ARHGAP10: variants seen among roughly 807,000 people sequenced by gnomAD.
ARHGAP10 encodes Rho GTPase activating protein 10.
In ARHGAP10, 87 loss-of-function variants were observed where a neutral mutation model predicts 108.6. That is an observed-to-expected ratio of 0.80 (90% CI 0.67 to 0.96). The LOEUF is 0.96. ARHGAP10 is among the 40% of genes least tolerant of loss of function. The pLI is 0.00. For missense variants in ARHGAP10, 939 were observed against 954.5 expected, an observed-to-expected ratio of 0.98 and a Z score of 0.21; for synonymous variants, 347 against 341.1, an observed-to-expected ratio of 1.02 and a Z score of -0.19.
chr4:147,955,362 A>G lies in ARHGAP10; in HGVS notation c.1438A>G (p.Ile480Val), dbSNP rs746225005. Residue 480 changes from isoleucine (I) to valine (V), a missense_variant, in exon 16 of 23, where the codon ATT becomes GTT. Physicochemically the swap from Ile to Val is conservative, Grantham distance 29. Coordinates refer to ENST00000336498, the MANE Select transcript of ARHGAP10 (RefSeq NM_024605.4). ...GACCTATGAGTTACATGGAGATTTC[A>G]TTGTTCCAGCCAGTAAGTATTATGT... The part of the protein sequence containing the change: ...LMTYELHGDF[I>V]VPAKSGSPES... 3.1e-6 allele frequency: 5 copies of G among 1,611,540 alleles called. No individual in the cohort carries two copies. In the South Asian group the frequency reaches 5.5e-5, roughly 18 times the overall value.
At chr4:147,854,583 T>G (rs79439463) in intron 4 of ARHGAP10, 4,471 of 430,080 alleles carry the variant, frequency 0.01, 180 homozygotes, top group African/African-American at 0.084. Context: ...TTTATATATT[T>G]TTTTCTGTAA....
chr4:147,839,947 T>C (rs539745844), intron 3 of ARHGAP10, among the ~76,000 whole-genome samples: 8 of 152,348 alleles, frequency 5.3e-5, no homozygotes, highest in African/African-American at 1.9e-4. Flanking sequence ...ATTGTGAAGT[T>C]CTAATGGATT....
chr4:147,753,733 A>C (rs1468866505), intron 1 of ARHGAP10, among the ~76,000 whole-genome samples: 1 of 152,148 alleles, frequency 6.6e-6, no homozygotes, highest in Non-Finnish European at 1.5e-5. Context: ...ATTATATTTG[A>C]GAGAATGATT....
intron 14 of ARHGAP10, 114 bp downstream of exon 14, chr4:147,940,013 T>G: frequency 2.9e-6 from 3 of 1,028,048 alleles, no homozygotes; most frequent in East Asian, 2.5e-5. Context: ...TCCTCTACTT[T>G]CTACAGGAGT....
intron 1 of ARHGAP10, 58 bp downstream of exon 1, chr4:147,732,513 T>C: frequency 3.1e-6 from 5 of 1,595,270 alleles, no homozygotes; most frequent in Non-Finnish European, 4.3e-6. Flanking sequence ...TGGGGGAGCC[T>C]CTCTCGGCAG....
intron 1 of ARHGAP10, among the ~76,000 whole-genome samples, chr4:147,758,751 G>A (rs1729475379): frequency 6.6e-6 from 1 of 151,984 alleles, no homozygotes; most frequent in South Asian, 2.1e-4. Context: ...GGCCGAGGCA[G>A]GAGGATCACT....
intron 1 of ARHGAP10, among the ~76,000 whole-genome samples, chr4:147,747,949 C>A (rs1279957150): frequency 6.6e-6 from 1 of 152,092 alleles, no homozygotes; most frequent in Admixed American, 6.6e-5. Context: ...TTGGTTGTTA[C>A]TTTAGGGAGA....
rs1285752990 is a variant in ARHGAP10, at chr4:147,732,460, G to A, written c.154+5G>A. On this transcript the variant is annotated splice_donor_5th_base_variant and intron_variant, in intron 1 of 22. Transcript: ENST00000336498. ...ACCTCATCGCTGCGACGAAAAGTAAGCGGGGACGCGGGCGCGGACGGGCTG... is the reference window on the plus strand; with the variant it reads ...ACCTCATCGCTGCGACGAAAAGTAAACGGGGACGCGGGCGCGGACGGGCTG... 68 of 1,610,604 alleles carry A rather than the reference G, an allele frequency of 4.2e-5. No individual in the cohort carries two copies. The highest frequency in any genetic ancestry group is 5.6e-5 in the Non-Finnish European group (66 of 1,178,386).
intron 20 of ARHGAP10, among the ~76,000 whole-genome samples, chr4:148,054,890 C>G (rs1729295925): frequency 6.6e-6 from 1 of 152,212 alleles, no homozygotes; most frequent in African/African-American, 2.4e-5. Flanking sequence ...CCCTTTAGAG[C>G]TGTGCTTGGC....
chr4:147,908,520 A>C (rs1736594870), intron 11 of ARHGAP10, among the ~76,000 whole-genome samples: 1 of 152,170 alleles, frequency 6.6e-6, no homozygotes, highest in African/African-American at 2.4e-5. Flanking sequence ...AACAATATTC[A>C]GCTATGTATT....
At chr4:147,904,876 C>T (rs1736406735) in intron 10 of ARHGAP10, among the ~76,000 whole-genome samples, 1 of 152,188 alleles carries the variant, frequency 6.6e-6, no homozygotes, top group African/African-American at 2.4e-5. Flanking sequence ...TATTTCTCCA[C>T]ATCCTCTCCA....
intron 1 of ARHGAP10, among the ~76,000 whole-genome samples, chr4:147,740,707 T>G (rs189349156): frequency 6.6e-6 from 1 of 152,316 alleles, no homozygotes; most frequent in East Asian, 1.9e-4. Context: ...TTCCTCCCCA[T>G]TCCTTGTCCT....
At chr4:147,740,375 C>T (rs1157927680) in intron 1 of ARHGAP10, among the ~76,000 whole-genome samples, 3 of 152,136 alleles carry the variant, frequency 2.0e-5, no homozygotes, top group African/African-American at 7.2e-5. Flanking sequence ...TTTGTCTTCA[C>T]TCCAAAACCC....
rs1304519413 is a variant in ARHGAP10, at chr4:147,823,220, G to C, written c.312+263G>C. Reference sequence around the variant, plus strand: ...AAGTGGACAGTAGGACTACATCACTGCTTTCTAGCTTTTTGTTGCAGCAGA... The same window carrying C: ...AAGTGGACAGTAGGACTACATCACTCCTTTCTAGCTTTTTGTTGCAGCAGA... On this transcript the variant is annotated intron_variant, in intron 3 of 22. Coordinates refer to ENST00000336498, the MANE Select transcript of ARHGAP10 (RefSeq NM_024605.4). Among the ~76,000 whole-genome samples, 8 of 152,192 alleles carry C rather than the reference G, an allele frequency of 5.3e-5. 1 individual carries two copies.
At position 147,864,927 on chromosome 4, in the gene ARHGAP10, G is replaced by C; in HGVS notation, c.568G>C (p.Glu190Gln). The change falls in exon 6 of 23, where the codon GAA becomes CAA. Residue 190 changes from glutamate to glutamine, a missense_variant. Glu to Gln is a conservative substitution (Grantham distance 29, BLOSUM62 2). Coordinates refer to ENST00000336498, the MANE Select transcript of ARHGAP10 (RefSeq NM_024605.4). ...TGTGTGTAAGCTGCAGGAAATCCAA[G>C]AAAGAAAGAAGTTTGAGTTTGTGGA... ...EYVCKLQEIQ[E>Q]RKKFEFVEPM... The C allele has an allele frequency of 1.2e-6, 2 of 1,614,000 alleles. No individual in the cohort carries two copies. The highest frequency in any genetic ancestry group is 1.3e-5 in the African/African-American group (1 of 75,046).
chr4:147,988,653 TGG>T (rs1237727398), intron 18 of ARHGAP10, among the ~76,000 whole-genome samples: 1 of 152,214 alleles, frequency 6.6e-6, no homozygotes, highest in Non-Finnish European at 1.5e-5. Flanking sequence ...CCTAGAACCC[TGG>T]GGAAACCAAG....
At chr4:148,007,182 CA>C (rs1740984104) in intron 18 of ARHGAP10, among the ~76,000 whole-genome samples, 1 of 152,164 alleles carries the variant, frequency 6.6e-6, no homozygotes, top group Admixed American at 6.5e-5. Flanking sequence ...GAAATGGTTA[CA>C]GTTTATTAAC....
chr4:147,935,458 G>A (rs187674855), intron 13 of ARHGAP10, among the ~76,000 whole-genome samples: 1 of 152,350 alleles, frequency 6.6e-6, no homozygotes, highest in African/African-American at 2.4e-5. Flanking sequence ...ACATTAGTCT[G>A]AAGTTTGAAG....
At chr4:147,950,852 T>A (rs775217999) in intron 15 of ARHGAP10, among the ~76,000 whole-genome samples, 5 of 152,214 alleles carry the variant, frequency 3.3e-5, no homozygotes, top group Non-Finnish European at 5.9e-5. Context: ...GGTTTTGTGA[T>A]GTTTCTAGTC....
Sources: allele counts gnomAD v4.1 joint callset (sites outside exome capture counted in the v4.1 genomes callset), GRCh38; gene constraint gnomAD v4.1.1; transcripts MANE v1.5; gene names NCBI Gene and HGNC (gene_info 2026-07-23, HGNC 2026-07-21).